Variants in DLGAP2 observed in about 807,000 individuals in gnomAD.
The protein encoded by DLGAP2 is DLG associated protein 2.
A neutral mutation model predicts 100.3 loss-of-function variants in DLGAP2; 26 were observed. That is an observed-to-expected ratio of 0.26 (90% CI 0.19 to 0.36). The LOEUF (loss-of-function observed/expected upper bound fraction) is 0.36, where lower values mean the gene tolerates loss of function less well. Ranked by LOEUF, DLGAP2 falls within the 10% of genes least tolerant of loss-of-function variation. The pLI is 1.00. For missense variants in DLGAP2, 1,858 were observed against 1,453.2 expected, an observed-to-expected ratio of 1.28 and a Z score of -4.53; for synonymous variants, 886 against 630.1, an observed-to-expected ratio of 1.41 and a Z score of -6.08.
At chr8:1,435,626 G>C (rs930756945) in intron 3 of DLGAP2, among the ~76,000 whole-genome samples, 1 of 151,880 alleles carries the variant, frequency 6.6e-6, no homozygotes, top group Non-Finnish European at 1.5e-5. Flanking sequence ...TATTATTTTA[G>C]AGTGCGCTCC....
intron 2 of DLGAP2, among the ~76,000 whole-genome samples, chr8:1,139,743 G>A (rs781458306): frequency 8.5e-5 from 13 of 152,154 alleles, no homozygotes; most frequent in Non-Finnish European, 1.5e-4. Context: ...TCTTGGAGAG[G>A]GAGTGAGGAT....
intron 3 of DLGAP2, among the ~76,000 whole-genome samples, chr8:1,472,983 T>C (rs1253124400): frequency 6.6e-6 from 1 of 152,064 alleles, no homozygotes; most frequent in African/African-American, 2.4e-5. Flanking sequence ...CAGGCTGGAG[T>C]GCAGTGGCTT....
At chr8:1,134,131 G>A (rs2129049509) in intron 2 of DLGAP2, among the ~76,000 whole-genome samples, 1 of 152,230 alleles carries the variant, frequency 6.6e-6, no homozygotes, top group Middle Eastern at 3.4e-3. Flanking sequence ...TGAGGATAAT[G>A]GCCTCCAGTT....
chr8:1,425,367 C>CG (rs1327772123), intron 3 of DLGAP2, among the ~76,000 whole-genome samples: 1 of 152,142 alleles, frequency 6.6e-6, no homozygotes, highest in Non-Finnish European at 1.5e-5. Flanking sequence ...GCATCTTCCC[C>CG]GGGAGGCCAG....
At chr8:1,313,745 T>C (rs1358595814) in intron 3 of DLGAP2, among the ~76,000 whole-genome samples, 1 of 152,142 alleles carries the variant, frequency 6.6e-6, no homozygotes, top group Non-Finnish European at 1.5e-5. Context: ...GTCAGATTTT[T>C]GAATATCAGA....
At chr8:885,690 G>T (rs542289328) in intron 1 of DLGAP2, among the ~76,000 whole-genome samples, 14 of 152,136 alleles carry the variant, frequency 9.2e-5, no homozygotes, top group African/African-American at 3.4e-4. Context: ...GGGCCTCCTC[G>T]TCTTGTGCTG....
intron 8 of DLGAP2, among the ~76,000 whole-genome samples, chr8:1,634,147 T>A (rs1432184405): frequency 6.6e-6 from 1 of 152,234 alleles, no homozygotes. Flanking sequence ...CTGCAAGAAC[T>A]TAGGCTTGTT....
At position 1,355,889 on chromosome 8, in the gene DLGAP2, A is replaced by C. The variant is rs572857088; in HGVS notation, c.106+97006A>C. 2.6e-5 allele frequency among the ~76,000 whole-genome samples: 4 copies of C among 152,242 alleles called. No individual in the cohort carries two copies. The East Asian group carries it at 7.7e-4, about 29-fold the overall frequency. On this transcript the variant is annotated intron_variant, in intron 3 of 14. Coordinates refer to ENST00000637795, the MANE Select transcript of DLGAP2 (RefSeq NM_001346810.2). The stretch of plus-strand genomic sequence containing the variant: ...CCCTAGGGTCCCTGTCTGCATTATA[A>C]TCACCTGTTCATATTCAAATTAAGC...
chr8:1,522,030 G>C (rs1800618753), intron 4 of DLGAP2, among the ~76,000 whole-genome samples: 1 of 150,546 alleles, frequency 6.6e-6, no homozygotes, highest in South Asian at 2.1e-4. Context: ...GTGATTTGGG[G>C]CGTCTCTGGT....
chr8:930,981 C>T (rs1376190091), intron 2 of DLGAP2, among the ~76,000 whole-genome samples: 2 of 152,204 alleles, frequency 1.3e-5, no homozygotes, highest in African/African-American at 4.8e-5. Flanking sequence ...CAGATCCATT[C>T]TTCTGGGTTT....
At chr8:965,665 C>T (rs1799845953) in intron 2 of DLGAP2, among the ~76,000 whole-genome samples, 1 of 145,580 alleles carries the variant, frequency 6.9e-6, no homozygotes, top group Admixed American at 6.7e-5. Context: ...GAGTCTGACC[C>T]CGCACTGCAC....
At chr8:929,000 C>T (rs1225287800) in intron 2 of DLGAP2, among the ~76,000 whole-genome samples, 2 of 122,800 alleles carry the variant, frequency 1.6e-5, no homozygotes, top group Non-Finnish European at 3.4e-5. Context: ...ACATCCCAGA[C>T]CCCCCACCAT....
intron 2 of DLGAP2, among the ~76,000 whole-genome samples, chr8:995,822 TAG>T (rs71202684): frequency 0.11 from 17,099 of 152,262 alleles, 1,248 homozygotes; most frequent in Non-Finnish European, 0.16. Flanking sequence ...GCTAACAGCA[TAG>T]AGACTTGGGG....
intron 6 of DLGAP2, chr8:1,621,653 G>T (rs1244196687): frequency 6.6e-6 from 1 of 152,354 alleles, no homozygotes; most frequent in Non-Finnish European, 1.5e-5. Context: ...CAGCTGGAGC[G>T]GGGTCACATC....
intron 1 of DLGAP2, among the ~76,000 whole-genome samples, chr8:875,384 G>C (rs961978555): frequency 2.1e-4 from 32 of 152,138 alleles, no homozygotes; most frequent in African/African-American, 7.2e-4. Flanking sequence ...GTCATGAGAG[G>C]GACCCGGTGA....
intron 1 of DLGAP2, among the ~76,000 whole-genome samples, chr8:802,191 G>A (rs1233926750): frequency 1.8e-3 from 178 of 96,718 alleles, no homozygotes; most frequent in Admixed American, 3.4e-3. Flanking sequence ...CCTGGGGAAT[G>A]GTCTGCACTC....
At chr8:1,036,948 G>A (rs1280658817) in intron 2 of DLGAP2, among the ~76,000 whole-genome samples, 1 of 151,924 alleles carries the variant, frequency 6.6e-6, no homozygotes, top group Non-Finnish European at 1.5e-5. Flanking sequence ...TAAAGTCCGT[G>A]CTCCTGGTTT....
Position 1,615,083 on chromosome 8 carries a change from T to G in DLGAP2, c.1443-11657T>G, listed in dbSNP as rs557278186. On this transcript the variant is annotated intron_variant, in intron 6 of 14. Transcript: ENST00000637795. ...TCTGTTACAGGATGGAATTTGGGGT[T>G]GCCAGAAGAGGTGGGGGTCAGAACA... 2.3e-4 allele frequency among the ~76,000 whole-genome samples: 35 copies of G among 152,320 alleles called. 2 individuals are homozygous for G. In the South Asian group the frequency reaches 6.8e-3, roughly 30 times the overall value.
intron 1 of DLGAP2, among the ~76,000 whole-genome samples, chr8:839,698 C>G (rs1315461287): frequency 2.0e-5 from 3 of 152,160 alleles, no homozygotes; most frequent in Non-Finnish European, 4.4e-5. Flanking sequence ...AGCACCCTTG[C>G]TCCCACCCTA....
Sources: allele counts gnomAD v4.1 joint callset (sites outside exome capture counted in the v4.1 genomes callset), GRCh38; gene constraint gnomAD v4.1.1; transcripts MANE v1.5; gene names NCBI Gene and HGNC (gene_info 2026-07-23, HGNC 2026-07-21).